VAPB: variants seen among roughly 807,000 people sequenced by gnomAD.
The protein encoded by VAPB is VAMP associated protein B and C, also known as vesicle-associated membrane protein-associated protein B/C.
Under a neutral mutation model 25.6 loss-of-function variants are expected in VAPB, and 7 were observed. The ratio of observed to expected loss-of-function variants is 0.27; its 90% CI spans 0.16 to 0.51. VAPB has a LOEUF of 0.51. VAPB is among the 20% of genes least tolerant of loss of function. The pLI is 0.97. For synonymous variants in VAPB, 112 were observed against 109.2 expected (o/e 1.03, Z -0.16); for missense variants, 266 against 301.3 (o/e 0.88, Z 0.87).
At chr20:58,411,316 C>G (rs922131128) in intron 1 of VAPB, among the ~76,000 whole-genome samples, 1 of 152,250 alleles carries the variant, frequency 6.6e-6, no homozygotes. Context: ...GAGTCTTACT[C>G]TGTCGCCCAG....
intron 1 of VAPB, among the ~76,000 whole-genome samples, chr20:58,398,275 A>G (rs1035628947): frequency 6.6e-6 from 1 of 152,348 alleles, no homozygotes; most frequent in Non-Finnish European, 1.5e-5. Flanking sequence ...GCTTCACACC[A>G]TTGTAAAATT....
chr20:58,443,398 G>GTTTTTTTTTTTTTTTTTTTTTTT (rs397773897), intron 5 of VAPB, among the ~76,000 whole-genome samples: 1 of 112,836 alleles, frequency 8.9e-6, no homozygotes. Context: ...CCACTTTTAG[G>GTTTTTTTTTTTTTTTTTTTTTTT]TTTTTTTTTT....
Position 58,449,907 on chromosome 20 carries a change from A to G in VAPB, c.*5672A>G, listed in dbSNP as rs1989397355. On this transcript the variant is annotated 3_prime_UTR_variant, in exon 6 of 6. Coordinates refer to ENST00000475243, the MANE Select transcript of VAPB (RefSeq NM_004738.5). Reference sequence around the variant, plus strand: ...CTTCGTTTCACTGATACCCAAAGCCATGTCTGACTGAAATAAAACAGGTTC... The same window carrying G: ...CTTCGTTTCACTGATACCCAAAGCCGTGTCTGACTGAAATAAAACAGGTTC... 1 of 453,982 alleles carries G rather than the reference A, an allele frequency of 2.2e-6. No individual in the cohort carries two copies. The highest frequency in any genetic ancestry group is 4.4e-6 in the Non-Finnish European group (1 of 226,804). The allele number at this position is 453,982 out of a possible 1,614,324, so 28.1% of individuals were successfully genotyped here. A position where few individuals can be genotyped will look rare whatever the true frequency, so the allele number is the denominator to read the frequency against.
intron 1 of VAPB, among the ~76,000 whole-genome samples, chr20:58,408,903 A>G (rs61022909): frequency 0.38 from 36,191 of 95,252 alleles, 5,055 homozygotes; most frequent in East Asian, 0.49. Context: ...CCCCCCCCCC[A>G]CCCCGCCCCC....
intron 1 of VAPB, among the ~76,000 whole-genome samples, chr20:58,401,795 A>G (rs1041080365): frequency 7.9e-5 from 12 of 152,286 alleles, no homozygotes; most frequent in Admixed American, 5.9e-4. Flanking sequence ...AAAGGCTGCA[A>G]TACGTTAAAT....
rs1475473253 is a variant in VAPB at position 58,434,623 on chromosome 20, A to G, written c.233A>G (p.Tyr78Cys). 1.9e-6 allele frequency: 3 copies of G among 1,582,814 alleles called. No individual in the cohort carries two copies. Among genetic ancestry groups the G allele is most frequent in the Admixed American group, 1.7e-5 (1 of 59,964 alleles). The change falls in exon 3 of 6, where the codon TAT becomes TGT. Residue 78 changes from tyrosine (Y) to cysteine (C), a missense_variant. Physicochemically the swap from Tyr to Cys is radical, Grantham distance 194. Transcript: ENST00000475243. Reference protein sequence around the residue: ...NVSVMLQPFDYDPNEKSKHKF... With the variant: ...NVSVMLQPFDCDPNEKSKHKF... ...TCAGTGATGTTACAGCCTTTCGATT[A>G]TGATCCCAATGAGAAAAGTAAACAC...
rs1269107883 is a variant in VAPB at position 58,449,128 on chromosome 20, G to A, written c.*4893G>A. 4.4e-6 allele frequency: 2 copies of A among 453,968 alleles called. No homozygotes were observed. The highest frequency in any genetic ancestry group is 8.8e-6 in the Non-Finnish European group (2 of 226,792). 28.1% of individuals were successfully genotyped at this position (453,968 alleles called of 1,614,324 possible). A position where few individuals can be genotyped will look rare whatever the true frequency, so the allele number is the denominator to read the frequency against. Reference sequence around the variant, plus strand: ...CGTCAGCCGACAGGCAAGCTTGGGAGGCTGTGGGAATGGGTCTGCCCCCAG... The same window carrying A: ...CGTCAGCCGACAGGCAAGCTTGGGAAGCTGTGGGAATGGGTCTGCCCCCAG... On this transcript the variant is annotated 3_prime_UTR_variant, in exon 6 of 6. Coordinates refer to ENST00000475243, the MANE Select transcript of VAPB (RefSeq NM_004738.5).
At chr20:58,431,299 A>T (rs1172072479) in intron 2 of VAPB, 3 of 152,242 alleles carry the variant, frequency 2.0e-5, no homozygotes, top group African/African-American at 7.2e-5. Flanking sequence ...AAAAAATCAC[A>T]TTCATTTCTT....
rs1413135536 is a variant in VAPB, at chr20:58,450,335, C to T, written c.*6100C>T. 9 of 453,370 alleles carry T rather than the reference C, an allele frequency of 2.0e-5. No homozygotes were observed. Among genetic ancestry groups the T allele is most frequent in the South Asian group, 4.7e-5 (3 of 64,462 alleles). 28.1% of individuals were successfully genotyped at this position (453,370 alleles called of 1,614,324 possible). A position where few individuals can be genotyped will look rare whatever the true frequency, so the allele number is the denominator to read the frequency against. Reference sequence around the variant, plus strand: ...TTTTCATCATTCACTCCTTAGCAAACGTTTCGTAAGTACCCTCTGTCTGTT... The same window carrying T: ...TTTTCATCATTCACTCCTTAGCAAATGTTTCGTAAGTACCCTCTGTCTGTT... On this transcript the variant is annotated 3_prime_UTR_variant, in exon 6 of 6. Transcript: ENST00000475243.
intron 1 of VAPB, 148 bp from the exon 2 acceptor site, chr20:58,418,063 C>A: frequency 9.2e-7 from 1 of 1,085,954 alleles, no homozygotes; most frequent in Non-Finnish European, 1.4e-6. Flanking sequence ...GTGCATTAAC[C>A]TCAGCTCATC....
intron 1 of VAPB, among the ~76,000 whole-genome samples, chr20:58,399,367 C>T (rs138571119): frequency 6.3e-4 from 95 of 151,752 alleles, no homozygotes; most frequent in Non-Finnish European, 1.1e-3. Flanking sequence ...GTAATTGTCT[C>T]GTTGGCACCT....
chr20:58,400,443 A>G (rs1328449061), intron 1 of VAPB, among the ~76,000 whole-genome samples: 3 of 152,042 alleles, frequency 2.0e-5, no homozygotes, highest in Non-Finnish European at 2.9e-5. Context: ...AAAGCTCACT[A>G]CTTGTATTAA....
intron 5 of VAPB, among the ~76,000 whole-genome samples, chr20:58,441,343 A>G (rs79607865): frequency 6.6e-6 from 1 of 151,978 alleles, no homozygotes; most frequent in East Asian, 1.9e-4. Context: ...AAAAAAAAAA[A>G]CAAAAACAAA....
Position 58,444,197 on chromosome 20 carries a change from T to C in VAPB, c.694T>C (p.Phe232Leu). 6.2e-7 allele frequency: 1 copy of C among 1,614,218 alleles called. No homozygotes were observed. The highest frequency in any genetic ancestry group is 8.5e-7 in the Non-Finnish European group (1 of 1,180,038). Residue 232 changes from phenylalanine to leucine, a missense_variant, in exon 6 of 6, where the codon TTT becomes CTT. By Grantham distance (22) the Phe-to-Leu change is conservative (BLOSUM62 0). Coordinates refer to ENST00000475243, the MANE Select transcript of VAPB (RefSeq NM_004738.5). ...TRLLALVVLFFIVGVIIGKIA... is the reference protein window; with the variant it reads ...TRLLALVVLFLIVGVIIGKIA... ...GCTCTTGGCTCTGGTGGTTTTGTTC[T>C]TTATCGTTGGTGTAATTATTGGGAA... is the stretch of plus-strand genomic sequence containing the variant.
chr20:58,408,330 T>TG (rs1457724615), intron 1 of VAPB, among the ~76,000 whole-genome samples: 1 of 152,188 alleles, frequency 6.6e-6, no homozygotes, highest in Admixed American at 6.5e-5. Flanking sequence ...TATGTGTCTA[T>TG]GGGTAGGGTT....
chr20:58,415,570 T>C (rs1163876802), intron 1 of VAPB, among the ~76,000 whole-genome samples: 1 of 152,210 alleles, frequency 6.6e-6, no homozygotes, highest in Non-Finnish European at 1.5e-5. Flanking sequence ...GTGTATGCTG[T>C]GGTTCTAGAG....
intron 5 of VAPB, among the ~76,000 whole-genome samples, chr20:58,443,746 G>A (rs1330745333): frequency 6.6e-6 from 1 of 152,094 alleles, no homozygotes; most frequent in Admixed American, 6.6e-5. Context: ...CATAGAGGTG[G>A]GTGGGGCCGA....
intron 1 of VAPB, among the ~76,000 whole-genome samples, chr20:58,390,665 A>G (rs1293705604): frequency 1.3e-5 from 2 of 152,152 alleles, no homozygotes; most frequent in African/African-American, 4.8e-5. Flanking sequence ...TCTCCACTAT[A>G]TCGCTAGCAC....
chr20:58,446,785 A>C lies in VAPB; in HGVS notation c.*2550A>C. ...CAGGTGACTGATGGGAAGGTTGATTATTTTCTCAGTCATCCTGGCAGCCAA... is the reference window on the plus strand; with the variant it reads ...CAGGTGACTGATGGGAAGGTTGATTCTTTTCTCAGTCATCCTGGCAGCCAA... On this transcript the variant is annotated 3_prime_UTR_variant, in exon 6 of 6. Coordinates refer to ENST00000475243, the MANE Select transcript of VAPB (RefSeq NM_004738.5). 6.6e-6 allele frequency: 3 copies of C among 454,046 alleles called. No homozygotes were observed. Among genetic ancestry groups the C allele is most frequent in the South Asian group, 4.7e-5 (3 of 64,468 alleles). The allele number at this position is 454,046 out of a possible 1,614,324, so 28.1% of individuals were successfully genotyped here. A position where few individuals can be genotyped will look rare whatever the true frequency, so the allele number is the denominator to read the frequency against.
Sources: allele counts gnomAD v4.1 joint callset (sites outside exome capture counted in the v4.1 genomes callset), GRCh38; gene constraint gnomAD v4.1.1; transcripts MANE v1.5; gene names NCBI Gene and HGNC (gene_info 2026-07-23, HGNC 2026-07-21).